The following SORBS2 variants were observed in gnomAD, a reference collection of about 807,000 sequenced individuals.
The protein encoded by SORBS2 is sorbin and SH3 domain containing 2.
Under a neutral mutation model 97.7 loss-of-function variants are expected in SORBS2, and 46 were observed. The ratio of observed to expected loss-of-function variants is 0.47; its 90% confidence interval spans 0.37 to 0.60. The LOEUF (loss-of-function observed/expected upper bound fraction) is 0.60, where lower values mean the gene tolerates loss of function less well. Ranked by LOEUF, SORBS2 falls within the 20% of genes least tolerant of loss-of-function variation. SORBS2 has a pLI of 0.00. For synonymous variants in SORBS2, 476 were observed against 473.4 expected, an observed-to-expected ratio of 1.01 and a Z score of -0.07; for missense variants, 1,316 against 1,282.3, an observed-to-expected ratio of 1.03 and a Z score of -0.40.
intron 4 of SORBS2, among the ~76,000 whole-genome samples, chr4:185,673,356 C>T (rs1257370105): frequency 6.6e-6 from 1 of 152,150 alleles, no homozygotes; most frequent in Admixed American, 6.5e-5. Context: ...AGAATAAAAA[C>T]TGCAACAGCT....
intron 1 of SORBS2, among the ~76,000 whole-genome samples, chr4:185,861,641 CTG>C (rs1346629901): frequency 1.7e-5 from 2 of 114,530 alleles, no homozygotes; most frequent in East Asian, 4.1e-4. Context: ...GAATCTCACT[CTG>C]TTGCCAGGCT....
chr4:185,599,054 C>T (rs1362788492), intron 12 of SORBS2, among the ~76,000 whole-genome samples: 1 of 152,200 alleles, frequency 6.6e-6, no homozygotes, highest in African/African-American at 2.4e-5. Flanking sequence ...TCTATGGCAA[C>T]ACAAAGCTCT....
chr4:185,825,444 T>A (rs2099199250), intron 1 of SORBS2, among the ~76,000 whole-genome samples: 1 of 152,248 alleles, frequency 6.6e-6, no homozygotes, highest in Non-Finnish European at 1.5e-5. Flanking sequence ...CTGATTTTAA[T>A]ACTATGCAGA....
intron 9 of SORBS2, among the ~76,000 whole-genome samples, chr4:185,617,275 G>A (rs1349831140): frequency 1.3e-5 from 2 of 152,100 alleles, no homozygotes; most frequent in African/African-American, 2.4e-5. Context: ...TAGGACCGGA[G>A]TACAGTAGAA....
chr4:185,799,858 C>T (rs1239937222), intron 1 of SORBS2, among the ~76,000 whole-genome samples: 1 of 152,170 alleles, frequency 6.6e-6, no homozygotes, highest in African/African-American at 2.4e-5. Flanking sequence ...TACTTCACTG[C>T]AATCGGCTTT....
intron 1 of SORBS2, among the ~76,000 whole-genome samples, chr4:185,862,377 C>A (rs1202363734): frequency 1.3e-5 from 2 of 152,202 alleles, no homozygotes; most frequent in Non-Finnish European, 2.9e-5. Flanking sequence ...GTTGTAGAGG[C>A]ATGAGAGCGA....
chr4:185,736,148 C>T (rs919772549), intron 2 of SORBS2, among the ~76,000 whole-genome samples: 8 of 152,204 alleles, frequency 5.3e-5, no homozygotes, highest in Non-Finnish European at 7.3e-5. Context: ...GTCATCATCC[C>T]ACAGAGTTTG....
chr4:185,658,683 A>T (rs2097451507), upstream of SORBS2, among the ~76,000 whole-genome samples: 1 of 143,546 alleles, frequency 7.0e-6, no homozygotes, highest in African/African-American at 2.5e-5. Flanking sequence ...TTTGTATAAA[A>T]TAAGTAAGCT....
chr4:185,757,595 C>T (rs535905683), intron 2 of SORBS2, among the ~76,000 whole-genome samples: 3 of 152,286 alleles, frequency 2.0e-5, no homozygotes, highest in South Asian at 4.2e-4. Flanking sequence ...CATCACAATT[C>T]CATTTTAAGA....
At chr4:185,602,772 C>A (rs1373165657) in intron 12 of SORBS2, among the ~76,000 whole-genome samples, 1 of 152,128 alleles carries the variant, frequency 6.6e-6, no homozygotes, top group Non-Finnish European at 1.5e-5. Context: ...GGGTCAGATG[C>A]AGAATTAAAC....
At chr4:185,824,145 C>G (rs1429450877) in intron 1 of SORBS2, among the ~76,000 whole-genome samples, 2 of 152,148 alleles carry the variant, frequency 1.3e-5, no homozygotes, top group Non-Finnish European at 2.9e-5. Flanking sequence ...GTACTGGAGG[C>G]CAGAAGTCAG....
At chr4:185,886,762 G>A (rs1184500246) in intron 1 of SORBS2, among the ~76,000 whole-genome samples, 3 of 152,052 alleles carry the variant, frequency 2.0e-5, no homozygotes, top group Admixed American at 6.6e-5. Flanking sequence ...CTTGGGAGAC[G>A]TAAAGGATGA....
At chr4:185,862,961 G>C (rs2099224730) in intron 1 of SORBS2, among the ~76,000 whole-genome samples, 1 of 152,164 alleles carries the variant, frequency 6.6e-6, no homozygotes, top group South Asian at 2.1e-4. Context: ...AGTCAAACCT[G>C]CTCACGGGTC....
chr4:185,798,552 G>T (rs542691954), intron 1 of SORBS2, among the ~76,000 whole-genome samples: 4 of 152,102 alleles, frequency 2.6e-5, no homozygotes, highest in African/African-American at 9.7e-5. Flanking sequence ...ACACTTAATA[G>T]CTTTTTAAAA....
chr4:185,752,893 C>T (rs928107404), intron 2 of SORBS2, among the ~76,000 whole-genome samples: 5 of 152,124 alleles, frequency 3.3e-5, no homozygotes, highest in Non-Finnish European at 7.4e-5. Context: ...GGATGTTTAG[C>T]CGGCAAGGAA....
upstream of SORBS2, chr4:185,657,080 T>G (rs2097419326): frequency 1.1e-5 from 4 of 366,012 alleles, no homozygotes; most frequent in Non-Finnish European, 1.6e-5. Flanking sequence ...ATTTCCATTG[T>G]CTTGTTCCTT....
chr4:185,620,788 T>A (rs1008976046), intron 7 of SORBS2, among the ~76,000 whole-genome samples: 1 of 152,202 alleles, frequency 6.6e-6, no homozygotes, highest in Non-Finnish European at 1.5e-5. Context: ...GATAAACACC[T>A]TATCAGAAAG....
rs1561283523 is a variant in SORBS2 at position 185,593,870 on chromosome 4, T to A, written c.2846+16A>T. On this transcript the variant is annotated intron_variant, in intron 13 of 14. Transcript: ENST00000418609. ...CAAGGTTAGTCTCAAATTTAGAAGA[T>A]AAGAAGAATACTTACGGTTCCCCCC... The A allele has an allele frequency of 6.4e-7, 1 of 1,556,168 alleles. No homozygotes were observed. Among genetic ancestry groups the A allele is most frequent in the South Asian group, 1.1e-5 (1 of 89,674 alleles).
chr4:185,908,423 A>G (rs948306723), intron 1 of SORBS2, among the ~76,000 whole-genome samples: 2 of 148,294 alleles, frequency 1.3e-5, no homozygotes, highest in African/African-American at 5.0e-5. Context: ...AAGACATCAC[A>G]AAAACTATTT....
Sources: allele counts gnomAD v4.1 joint callset (sites outside exome capture counted in the v4.1 genomes callset), GRCh38; gene constraint gnomAD v4.1.1; transcripts MANE v1.5; gene names NCBI Gene and HGNC (gene_info 2026-07-23, HGNC 2026-07-21).